CNTNAP5: variants seen among roughly 807,000 people sequenced by gnomAD.
CNTNAP5 encodes contactin associated protein family member 5.
Under a neutral mutation model 150.2 loss-of-function variants are expected in CNTNAP5, and 72 were observed. That is an observed-to-expected ratio of 0.48 (90% CI 0.40 to 0.58). The LOEUF (loss-of-function observed/expected upper bound fraction) is 0.58, where lower values mean the gene tolerates loss of function less well. CNTNAP5 is among the 20% of genes least tolerant of loss of function. The pLI is 0.00. For synonymous variants in CNTNAP5, 672 were observed against 619.8 expected, an observed-to-expected ratio of 1.08 and a Z score of -1.25; for missense variants, 1,636 against 1,626.2, an observed-to-expected ratio of 1.01 and a Z score of -0.10.
At chr2:124,662,486 T>C (rs545965771) in intron 13 of CNTNAP5, among the ~76,000 whole-genome samples, 1 of 152,228 alleles carries the variant, frequency 6.6e-6, no homozygotes, top group South Asian at 2.1e-4. Flanking sequence ...ACTGTATACA[T>C]GTATTTATAT....
chr2:124,501,409 A>G (rs1694276572), intron 7 of CNTNAP5, among the ~76,000 whole-genome samples: 1 of 152,224 alleles, frequency 6.6e-6, no homozygotes, highest in Non-Finnish European at 1.5e-5. Flanking sequence ...TCTCGGGAAT[A>G]GGAGGAATGA....
intron 3 of CNTNAP5, among the ~76,000 whole-genome samples, chr2:124,394,053 T>C (rs1240019070): frequency 6.6e-6 from 1 of 152,146 alleles, no homozygotes; most frequent in Non-Finnish European, 1.5e-5. Context: ...GTTATAGCTA[T>C]TATATGTTTT....
intron 3 of CNTNAP5, among the ~76,000 whole-genome samples, chr2:124,408,545 GCAGA>G (rs1691656984): frequency 3.9e-5 from 6 of 152,010 alleles, no homozygotes; most frequent in African/African-American, 1.2e-4. Context: ...CTGAGAACGG[GCAGA>G]CTGCCTCCTC....
chr2:124,902,754 G>T (rs983307059), intron 21 of CNTNAP5, 128 bp from the exon 22 acceptor site: 1 of 576,046 alleles, frequency 1.7e-6, no homozygotes, highest in Non-Finnish European at 3.0e-6. Context: ...AGATAGGGGA[G>T]GGTTTTCTTT....
At chr2:124,137,809 T>G (rs1684012512) in intron 1 of CNTNAP5, among the ~76,000 whole-genome samples, 1 of 98,124 alleles carries the variant, frequency 1.0e-5, no homozygotes, top group Admixed American at 1.1e-4. Context: ...TGTGGAGAGA[T>G]AGTAGCATGC....
intron 12 of CNTNAP5, among the ~76,000 whole-genome samples, chr2:124,645,460 T>C (rs762473338): frequency 5.3e-5 from 8 of 152,064 alleles, no homozygotes; most frequent in African/African-American, 1.9e-4. Context: ...TCTAGCTACT[T>C]GGGAGTCTGA....
At chr2:124,524,237 G>A (rs980864711) in intron 8 of CNTNAP5, 66 bp from the exon 9 acceptor site, 64 of 1,544,976 alleles carry the variant, frequency 4.1e-5, no homozygotes, top group Non-Finnish European at 5.3e-5. Context: ...GCTGGGAAAT[G>A]AGCCCCCTCT....
rs764830248 is a variant in CNTNAP5 at position 124,446,841 on chromosome 2, T to C, written c.822T>C (p.Ile274=). ...ACCAGCACTGGCACTCGGTCCTCAT[T>C]GAGCGGGTGGGCAAGCAGGTGAACT... ...LDDQHWHSVL[I]ERVGKQVNFT... Residue 274 remains isoleucine, a synonymous_variant, in exon 6 of 24, where the codon ATT becomes ATC. Coordinates refer to ENST00000682447, the MANE Select transcript of CNTNAP5 (RefSeq NM_001367498.1). The C allele has an allele frequency of 1.2e-6, 2 of 1,613,760 alleles. No individual in the cohort carries two copies. Among genetic ancestry groups the C allele is most frequent in the Non-Finnish European group, 1.7e-6 (2 of 1,179,800 alleles).
At chr2:124,118,212 T>TAC (rs1034867748) in intron 1 of CNTNAP5, among the ~76,000 whole-genome samples, 5 of 151,934 alleles carry the variant, frequency 3.3e-5, no homozygotes, top group Middle Eastern at 3.2e-3. Context: ...TTAAAATACA[T>TAC]ACACACACAC....
intron 10 of CNTNAP5, among the ~76,000 whole-genome samples, chr2:124,557,900 C>T (rs771367419): frequency 7.2e-5 from 11 of 151,910 alleles, no homozygotes; most frequent in Admixed American, 1.3e-4. Context: ...TCTTGGTGTG[C>T]TTTAGGAACA....
chr2:124,642,568 T>G (rs1678115418), intron 12 of CNTNAP5, among the ~76,000 whole-genome samples: 1 of 152,182 alleles, frequency 6.6e-6, no homozygotes, highest in South Asian at 2.1e-4. Flanking sequence ...CAGACTTCAC[T>G]GCGCAGGGCT....
intron 18 of CNTNAP5, among the ~76,000 whole-genome samples, chr2:124,795,975 C>T (rs1170049464): frequency 1.3e-5 from 2 of 152,040 alleles, no homozygotes; most frequent in Non-Finnish European, 2.9e-5. Context: ...AGTTAAATAT[C>T]TTTATCCTTT....
rs1196424879 is a variant in CNTNAP5 at position 124,747,266 on chromosome 2, T to A, written c.2115T>A (p.Asn705Lys). ...TPFTWWIGRS[N>K]ERHPYWGGSP... ...TTACCTGGTGGATTGGGCGGTCCAA[T>A]GAAAGGCACCCTTACTGGGGAGGTT... The change falls in exon 14 of 24, where the codon AAT becomes AAA. Residue 705 changes from asparagine (N) to lysine (K), a missense_variant. Coordinates refer to ENST00000682447, the MANE Select transcript of CNTNAP5 (RefSeq NM_001367498.1). 6.2e-7 allele frequency: 1 copy of A among 1,613,576 alleles called. No individual in the cohort carries two copies. The highest frequency in any genetic ancestry group is 8.5e-7 in the Non-Finnish European group (1 of 1,179,754).
intron 3 of CNTNAP5, among the ~76,000 whole-genome samples, chr2:124,317,399 C>T (rs1558847859): frequency 6.6e-6 from 1 of 152,114 alleles, no homozygotes; most frequent in African/African-American, 2.4e-5. Context: ...AAAGCTAAGA[C>T]TGAATGCAAG....
intron 11 of CNTNAP5, among the ~76,000 whole-genome samples, chr2:124,566,489 G>A (rs75703305): frequency 0.017 from 2,565 of 152,266 alleles, 42 homozygotes; most frequent in Non-Finnish European, 0.023. Context: ...AAGGAACACT[G>A]TCAAGCCTGA....
At chr2:124,224,245 A>G (rs1686402437) in intron 2 of CNTNAP5, among the ~76,000 whole-genome samples, 1 of 152,144 alleles carries the variant, frequency 6.6e-6, no homozygotes, top group African/African-American at 2.4e-5. Context: ...ATTAATAATT[A>G]TTGAGTCCCA....
At chr2:124,775,344 G>A (rs919423877) in intron 17 of CNTNAP5, among the ~76,000 whole-genome samples, 1 of 152,166 alleles carries the variant, frequency 6.6e-6, no homozygotes, top group Non-Finnish European at 1.5e-5. Flanking sequence ...GAAATTGAGA[G>A]GCCCTGGATA....
chr2:124,911,198 A>G (rs2104768476), intron 22 of CNTNAP5, among the ~76,000 whole-genome samples: 1 of 152,078 alleles, frequency 6.6e-6, no homozygotes, highest in South Asian at 2.1e-4. Context: ...GGGCATGTGG[A>G]CAGGATACCA....
intron 19 of CNTNAP5, among the ~76,000 whole-genome samples, chr2:124,808,421 C>G (rs1682127760): frequency 6.6e-6 from 1 of 151,934 alleles, no homozygotes; most frequent in Non-Finnish European, 1.5e-5. Context: ...AACTCCGTCT[C>G]TACTAAAAAT....
Sources: allele counts gnomAD v4.1 joint callset (sites outside exome capture counted in the v4.1 genomes callset), GRCh38; gene constraint gnomAD v4.1.1; transcripts MANE v1.5; gene names NCBI Gene and HGNC (gene_info 2026-07-23, HGNC 2026-07-21).